The following MCEE variants were observed in gnomAD, a reference collection of about 807,000 sequenced individuals.
MCEE encodes methylmalonyl-CoA epimerase.
MCEE carries 6 observed loss-of-function variants against 12.9 expected under a neutral mutation model. The ratio of observed to expected loss-of-function variants is 0.47; its 90% CI spans 0.26 to 0.92. The LOEUF is 0.92. Ranked by LOEUF, MCEE falls within the 40% of genes least tolerant of loss-of-function variation. MCEE has a pLI of 0.16. For missense variants in MCEE, 214 were observed against 212.1 expected (o/e 1.01, Z -0.05); for synonymous variants, 78 against 77.9 (o/e 1.00, Z -0.01).
chr2:71,125,619 A>G (rs1673214327), intron 1 of MCEE, among the ~76,000 whole-genome samples: 1 of 152,110 alleles, frequency 6.6e-6, no homozygotes, highest in African/African-American at 2.4e-5. Context: ...CTGGGATTAT[A>G]GGTGTAAGCC....
chr2:71,110,980 T>G (rs906851356), intron 2 of MCEE: 3 of 152,208 alleles, frequency 2.0e-5, no homozygotes, highest in African/African-American at 7.2e-5. Context: ...GAGACTAGTT[T>G]AACACCCATG....
chr2:71,110,202 T>G, intron 2 of MCEE, 80 bp from the exon 3 acceptor site: 1 of 1,268,422 alleles, frequency 7.9e-7, no homozygotes, highest in Middle Eastern at 2.3e-4. Context: ...TAGAAAAAAC[T>G]TTGAGAGCTC....
chr2:71,126,980 G>A (rs1572893053), intron 1 of MCEE, among the ~76,000 whole-genome samples: 10 of 152,282 alleles, frequency 6.6e-5, no homozygotes, highest in Admixed American at 6.5e-4. Flanking sequence ...TCAGAATAGT[G>A]CAGCAGAATT....
chr2:71,113,951 A>G (rs919669703), intron 2 of MCEE, among the ~76,000 whole-genome samples: 2 of 152,226 alleles, frequency 1.3e-5, no homozygotes, highest in African/African-American at 4.8e-5. Context: ...TCTTCCCAAA[A>G]TCAATAACAT....
At chr2:71,123,298 C>A (rs1424647384) in intron 2 of MCEE, among the ~76,000 whole-genome samples, 1 of 152,104 alleles carries the variant, frequency 6.6e-6, no homozygotes, top group Non-Finnish European at 1.5e-5. Context: ...TTGAGACCAG[C>A]CTGACCAACA....
chr2:71,126,976 T>G (rs1019034047), intron 1 of MCEE, among the ~76,000 whole-genome samples: 1 of 152,236 alleles, frequency 6.6e-6, no homozygotes, highest in African/African-American at 2.4e-5. Flanking sequence ...CATTTCAGAA[T>G]AGTGCAGCAG....
intron 2 of MCEE, among the ~76,000 whole-genome samples, chr2:71,122,651 T>A (rs1034842543): frequency 5.3e-5 from 8 of 152,142 alleles, no homozygotes; most frequent in African/African-American, 1.9e-4. Flanking sequence ...TTATTCACTA[T>A]CACAAGAACA....
At position 71,128,551 on chromosome 2, in the gene MCEE, C is replaced by A. The variant is rs569277689; in HGVS notation, c.40+1629G>T. ...AGCAATTTTTTTTTTTTTTCTGAGA[C>A]GGAGTTTCGCTTTGGTTGCCCAGGC... is the stretch of plus-strand genomic sequence containing the variant. On this transcript the variant is annotated intron_variant, in intron 1 of 2. Coordinates refer to ENST00000244217, the MANE Select transcript of MCEE (RefSeq NM_032601.4). Among the ~76,000 whole-genome samples the A allele has an allele frequency of 6.9e-4, 103 of 148,302 alleles. No individual in the cohort carries two copies. The Middle Eastern group carries it at 0.021, about 30-fold the overall frequency.
intron 2 of MCEE, among the ~76,000 whole-genome samples, chr2:71,111,355 A>ATT (rs1239840494): frequency 6.6e-6 from 1 of 152,058 alleles, no homozygotes; most frequent in Non-Finnish European, 1.5e-5. Context: ...GATGTCAGAC[A>ATT]TTGTCAATTT....
Position 71,110,070 on chromosome 2 carries a change from C to G in MCEE, c.431G>C (p.Ser144Thr). 1 of 1,613,544 alleles carries G rather than the reference C, an allele frequency of 6.2e-7. No homozygotes were observed. Residue 144 changes from serine (S) to threonine (T), a missense_variant, in exon 3 of 3, where the codon AGT becomes ACT. Transcript: ENST00000244217. ...VMDLKKKKIR[S>T]LSEEVKIGAH... is the part of the protein sequence containing the mutation. Reference sequence around the variant, plus strand: ...TCCTATTTTGACCTCTTCACTTAGACTGCGGATCTTCTTTTTTTTCAAATC... The same window carrying G: ...TCCTATTTTGACCTCTTCACTTAGAGTGCGGATCTTCTTTTTTTTCAAATC...
intron 1 of MCEE, 126 bp downstream of exon 1, chr2:71,130,054 G>T: frequency 1.0e-6 from 1 of 963,666 alleles, no homozygotes; most frequent in Non-Finnish European, 1.6e-6. Context: ...CAGCTGCTGT[G>T]GAACGCGCCC....
chr2:71,118,623 C>T (rs1673040789), intron 2 of MCEE, among the ~76,000 whole-genome samples: 1 of 149,794 alleles, frequency 6.7e-6, no homozygotes, highest in Non-Finnish European at 1.5e-5. Flanking sequence ...GCGGAAGGGG[C>T]AACGGGTGTC....
chr2:71,114,821 T>C (rs926781417), intron 2 of MCEE, among the ~76,000 whole-genome samples: 6 of 152,212 alleles, frequency 3.9e-5, no homozygotes, highest in African/African-American at 1.4e-4. Flanking sequence ...AAAGATGACG[T>C]GTAGCAAGAG....
intron 2 of MCEE, among the ~76,000 whole-genome samples, chr2:71,123,789 TA>T (rs1673151501): frequency 6.6e-6 from 1 of 152,224 alleles, no homozygotes; most frequent in African/African-American, 2.4e-5. Flanking sequence ...ATTAGCATTT[TA>T]AAGAGAGAAA....
At chr2:71,123,599 T>C (rs999758221) in intron 2 of MCEE, among the ~76,000 whole-genome samples, 2 of 152,218 alleles carry the variant, frequency 1.3e-5, no homozygotes, top group African/African-American at 2.4e-5. Context: ...ATAATTGTCA[T>C]TGCTGATATT....
chr2:71,118,615 G>A (rs759722491), intron 2 of MCEE, among the ~76,000 whole-genome samples: 38 of 149,848 alleles, frequency 2.5e-4, no homozygotes, highest in Non-Finnish European at 4.7e-4. Context: ...CTCCCGTAGC[G>A]GAAGGGGCAA....
rs1478373070 is a variant in MCEE at position 71,116,238 on chromosome 2, A to AT, written c.379-6117dup. 1.1e-4 allele frequency among the ~76,000 whole-genome samples: 17 copies of AT among 149,056 alleles called. 1 individual carries two copies. Among genetic ancestry groups the AT allele is most frequent in the Non-Finnish European group, 2.2e-4 (15 of 67,850 alleles). On this transcript the variant is annotated intron_variant, in intron 2 of 2. Coordinates refer to ENST00000244217, the MANE Select transcript of MCEE (RefSeq NM_032601.4). ...AGGTGCCCGCCACCACGCCTGGCTA[A>AT]TTTTTTTGTATTTTTAGTAGAGACA... is the stretch of plus-strand genomic sequence containing the variant.
At position 71,120,057 on chromosome 2, in the gene MCEE, G is replaced by A. The variant is rs1673068234; in HGVS notation, c.378+4149C>T. Among the ~76,000 whole-genome samples, 4 of 149,750 alleles carry A rather than the reference G, an allele frequency of 2.7e-5. 1 individual carries two copies. Among genetic ancestry groups the A allele is most frequent in the African/African-American group, 1.0e-4 (4 of 39,310 alleles). ...GACACAGTGAGACCCTCTCTCTGAA[G>A]GAAAAAAATTGTAGAGGGAGAAGGG... On this transcript the variant is annotated intron_variant, in intron 2 of 2. Coordinates refer to ENST00000244217, the MANE Select transcript of MCEE (RefSeq NM_032601.4).
intron 2 of MCEE, among the ~76,000 whole-genome samples, chr2:71,114,180 TA>T (rs1288300514): frequency 6.6e-6 from 1 of 151,840 alleles, no homozygotes; most frequent in African/African-American, 2.4e-5. Flanking sequence ...TGTGATGTGC[TA>T]GGGGTGGAGG....
Sources: allele counts gnomAD v4.1 joint callset (sites outside exome capture counted in the v4.1 genomes callset), GRCh38; gene constraint gnomAD v4.1.1; transcripts MANE v1.5; gene names NCBI Gene and HGNC (gene_info 2026-07-23, HGNC 2026-07-21).